GALNT13: variants seen among roughly 807,000 people sequenced by gnomAD.
The protein encoded by GALNT13 is UDP-GalNAc:polypeptide N-acetylgalactosaminyltransferase 13.
A neutral mutation model predicts 64.2 loss-of-function variants in GALNT13; 28 were observed. The ratio of observed to expected loss-of-function variants is 0.44; its 90% CI spans 0.32 to 0.60. The LOEUF (loss-of-function observed/expected upper bound fraction) is 0.60. GALNT13 is among the 20% of genes least tolerant of loss of function. The probability of loss-of-function intolerance (pLI) is 0.05; values close to 1 mark genes in which losing one functional copy is unlikely to be tolerated. For synonymous variants in GALNT13, 214 were observed against 224.6 expected, an observed-to-expected ratio of 0.95 and a Z score of 0.42; for missense variants, 577 against 669.8, an observed-to-expected ratio of 0.86 and a Z score of 1.53.
the GALNT13 span, among the ~76,000 whole-genome samples, chr2:153,071,309 A>C: frequency 6.6e-6 from 1 of 152,222 alleles, no homozygotes; most frequent in Admixed American, 6.5e-5. Flanking sequence ...GCAAATAATA[A>C]TATAAAGTTT....
intron 2 of GALNT13, among the ~76,000 whole-genome samples, chr2:153,906,892 T>A (rs1295612539): frequency 2.7e-5 from 4 of 150,850 alleles, no homozygotes; most frequent in Admixed American, 2.6e-4. Context: ...TTTCTCCACA[T>A]CCTCTCCAGC....
chr2:153,270,391 G>A, the GALNT13 span, among the ~76,000 whole-genome samples: 1 of 152,296 alleles, frequency 6.6e-6, no homozygotes, highest in South Asian at 2.1e-4. Context: ...TGTCTTCGAT[G>A]TCTGTTAGAG....
At chr2:154,144,096 A>G (rs926432517) in intron 4 of GALNT13, among the ~76,000 whole-genome samples, 1 of 152,066 alleles carries the variant, frequency 6.6e-6, no homozygotes, top group African/African-American at 2.4e-5. Flanking sequence ...CTCTGAAATA[A>G]TATTAATGAA....
At chr2:153,612,210 G>C in the GALNT13 span, among the ~76,000 whole-genome samples, 1 of 152,126 alleles carries the variant, frequency 6.6e-6, no homozygotes, top group Admixed American at 6.6e-5. Flanking sequence ...CGAGCATGTG[G>C]AGAAATAGGA....
rs1341432896 is a variant in GALNT13 at position 154,451,760 on chromosome 2, A to G, written c.*1209A>G. The G allele has an allele frequency of 6.6e-6, 1 of 152,130 alleles. No individual in the cohort carries two copies. Among genetic ancestry groups the G allele is most frequent in the Non-Finnish European group, 1.5e-5 (1 of 68,026 alleles). 9.4% of individuals were successfully genotyped at this position (152,130 alleles called of 1,614,324 possible). A position where few individuals can be genotyped will look rare whatever the true frequency, so the allele number is the denominator to read the frequency against. On this transcript the variant is annotated 3_prime_UTR_variant, in exon 13 of 13. Coordinates refer to ENST00000392825, the MANE Select transcript of GALNT13 (RefSeq NM_052917.4). ...AGCAGAGGCCATGAAAGTGAAAAAA[A>G]ATCAGATTTTTGCTAGTAAGTTTTT...
intron 3 of GALNT13, among the ~76,000 whole-genome samples, chr2:154,092,247 C>T (rs2105442165): frequency 6.6e-6 from 1 of 152,028 alleles, no homozygotes; most frequent in African/African-American, 2.4e-5. Context: ...TGATAGATCT[C>T]ATGTATATTG....
chr2:153,511,142 C>T, the GALNT13 span, among the ~76,000 whole-genome samples: 1 of 152,098 alleles, frequency 6.6e-6, no homozygotes, highest in Non-Finnish European at 1.5e-5. Context: ...AAAATCTATT[C>T]ATGCCTTTTG....
At chr2:154,174,068 T>G (rs552813026) in intron 4 of GALNT13, among the ~76,000 whole-genome samples, 13 of 152,130 alleles carry the variant, frequency 8.5e-5, no homozygotes, top group Admixed American at 3.3e-4. Flanking sequence ...GAAATCAGTG[T>G]TCTTTGAACT....
the GALNT13 span, among the ~76,000 whole-genome samples, chr2:153,155,602 A>G: frequency 6.6e-6 from 1 of 151,850 alleles, no homozygotes; most frequent in South Asian, 2.1e-4. Context: ...GTTTATTTGA[A>G]TCTTCTCTCT....
chr2:153,967,320 A>G (rs1231465959), intron 3 of GALNT13, among the ~76,000 whole-genome samples: 1 of 152,176 alleles, frequency 6.6e-6, no homozygotes, highest in Non-Finnish European at 1.5e-5. Context: ...TTGAAGAGTT[A>G]GGTATTTATC....
the GALNT13 span, among the ~76,000 whole-genome samples, chr2:153,818,393 G>C: frequency 0.014 from 2,187 of 152,212 alleles, 30 homozygotes; most frequent in Middle Eastern, 0.034. Context: ...TGACTACCCC[G>C]CTGTTTCTCA....
the GALNT13 span, among the ~76,000 whole-genome samples, chr2:153,541,623 T>A: frequency 1.3e-5 from 2 of 152,194 alleles, no homozygotes; most frequent in African/African-American, 4.8e-5. Context: ...CTGATCTACC[T>A]TGTTTGATTG....
the GALNT13 span, among the ~76,000 whole-genome samples, chr2:153,162,690 G>C: frequency 1.3e-5 from 2 of 152,216 alleles, no homozygotes; most frequent in East Asian, 3.9e-4. Flanking sequence ...TTTATATGAC[G>C]ATGCCATTGT....
intron 3 of GALNT13, among the ~76,000 whole-genome samples, chr2:154,032,485 T>G (rs1372520146): frequency 1.3e-5 from 2 of 151,650 alleles, no homozygotes; most frequent in Middle Eastern, 3.4e-3. Flanking sequence ...CACCAATACC[T>G]CTCATGAATA....
At chr2:154,016,305 A>C (rs901041171) in intron 3 of GALNT13, among the ~76,000 whole-genome samples, 2 of 152,244 alleles carry the variant, frequency 1.3e-5, no homozygotes, top group Admixed American at 6.5e-5. Flanking sequence ...TTCTTCATTC[A>C]TAAACACAGG....
intron 3 of GALNT13, among the ~76,000 whole-genome samples, chr2:154,102,647 A>G (rs1402024084): frequency 6.6e-6 from 1 of 152,082 alleles, no homozygotes; most frequent in Non-Finnish European, 1.5e-5. Flanking sequence ...TCGTAACCAA[A>G]CATGACGTGT....
chr2:153,987,714 T>A (rs1407073849), intron 3 of GALNT13, among the ~76,000 whole-genome samples: 1 of 151,734 alleles, frequency 6.6e-6, no homozygotes, highest in African/African-American at 2.4e-5. Flanking sequence ...AGGAAGATAG[T>A]TTGCCCTTTA....
the GALNT13 span, among the ~76,000 whole-genome samples, chr2:153,630,793 A>T: frequency 0.017 from 219 of 13,258 alleles, 8 homozygotes; most frequent in South Asian, 0.055. Flanking sequence ...ATATATATAT[A>T]TATATATATA....
chr2:154,203,644 G>A (rs1461916323), intron 4 of GALNT13, among the ~76,000 whole-genome samples: 1 of 152,084 alleles, frequency 6.6e-6, no homozygotes, highest in Non-Finnish European at 1.5e-5. Context: ...CCCTGTATCA[G>A]CAAATGACAA....
Sources: gnomAD v4.1 joint callset for allele counts (sites outside exome capture counted in the v4.1 genomes callset) on GRCh38, gnomAD v4.1.1 for gene constraint, MANE v1.5 for transcripts, NCBI Gene and HGNC (gene_info 2026-07-23, HGNC 2026-07-21) for gene names.